OSCP1: variants seen among roughly 807,000 people sequenced by gnomAD.
OSCP1 encodes organic solute carrier partner 1.
In OSCP1, 35 loss-of-function variants were observed where a neutral mutation model predicts 45.1. The observed-to-expected ratio is 0.78, with a 90% CI of 0.59 to 1.03. The LOEUF is 1.03. Among genes scored for constraint, OSCP1 ranks in the 50% least tolerant of loss-of-function variants. OSCP1 has a pLI of 0.00. For synonymous variants in OSCP1, 179 were observed against 180.1 expected (o/e 0.99, Z 0.05); for missense variants, 400 against 470.7 (o/e 0.85, Z 1.39).
chr1:36,423,514 G>T, intron 4 of OSCP1, 48 bp from the exon 5 acceptor site: 1 of 1,437,144 alleles, frequency 7.0e-7, no homozygotes, highest in Non-Finnish European at 9.7e-7. Context: ...TATTTTCATA[G>T]ACATCAATAT....
chr1:36,446,083 C>T (rs1418175577), intron 1 of OSCP1, among the ~76,000 whole-genome samples: 3 of 150,026 alleles, frequency 2.0e-5, no homozygotes, highest in African/African-American at 7.4e-5. Context: ...AGTGCAGTGG[C>T]GTGATCTCAG....
intron 1 of OSCP1, among the ~76,000 whole-genome samples, chr1:36,445,677 A>G (rs541317599): frequency 1.3e-5 from 2 of 152,326 alleles, no homozygotes; most frequent in South Asian, 4.1e-4. Flanking sequence ...TCTTTGGCAC[A>G]ATGTCCACAT....
chr1:36,442,793 T>C (rs965778783), intron 1 of OSCP1, among the ~76,000 whole-genome samples: 1 of 152,138 alleles, frequency 6.6e-6, no homozygotes, highest in African/African-American at 2.4e-5. Flanking sequence ...TCTGAATTAT[T>C]ATCCTCATTT....
At position 36,445,817 on chromosome 1, in the gene OSCP1, C is replaced by T. The variant is rs188150413; in HGVS notation, c.112+4441G>A. ...GCAACCTCCACTTCCCAGGTTCAAG[C>T]GATTCTCCCGCCTCAGCCTCCCGAG... On this transcript the variant is annotated intron_variant, in intron 1 of 9. Transcript: ENST00000235532. 5.9e-5 allele frequency among the ~76,000 whole-genome samples: 9 copies of T among 152,132 alleles called. No individual in the cohort carries two copies. The East Asian group carries it at 1.4e-3, about 23-fold the overall frequency.
intron 8 of OSCP1, 62 bp downstream of exon 8, chr1:36,420,414 T>G: frequency 2.6e-6 from 4 of 1,557,328 alleles, no homozygotes; most frequent in Non-Finnish European, 3.5e-6. Flanking sequence ...TAATAGTCAT[T>G]TTGTGTTCTT....
chr1:36,428,207 A>AAG (rs1553146134), intron 4 of OSCP1: 26 of 1,355,318 alleles, frequency 1.9e-5, no homozygotes, highest in Non-Finnish European at 2.1e-5. Flanking sequence ...AAAAAAAAAA[A>AAG]AAAGAAAGAA....
At chr1:36,418,652 C>T in intron 9 of OSCP1, 1 of 337,166 alleles carries the variant, frequency 3.0e-6, no homozygotes, top group Non-Finnish European at 5.4e-6. Context: ...TACGGTGGCT[C>T]ACCTTTGTAA....
intron 7 of OSCP1, among the ~76,000 whole-genome samples, chr1:36,421,430 T>A (rs1054044541): frequency 6.6e-6 from 1 of 151,764 alleles, no homozygotes; most frequent in Non-Finnish European, 1.5e-5. Context: ...CACTTCAATA[T>A]CCCCGCCTCT....
At chr1:36,443,759 C>G (rs1026509382) in intron 1 of OSCP1, among the ~76,000 whole-genome samples, 2 of 152,196 alleles carry the variant, frequency 1.3e-5, no homozygotes, top group African/African-American at 2.4e-5. Context: ...GGAGACATAT[C>G]CCTCAAGTAC....
At chr1:36,446,954 C>T (rs1381316454) in intron 1 of OSCP1, among the ~76,000 whole-genome samples, 2 of 152,222 alleles carry the variant, frequency 1.3e-5, no homozygotes, top group African/African-American at 4.8e-5. Flanking sequence ...AGAGAGAGCA[C>T]TTCCTTTCTG....
intron 6 of OSCP1, 47 bp from the exon 7 acceptor site, chr1:36,422,266 G>A (rs1413808098): frequency 5.2e-6 from 8 of 1,532,568 alleles, no homozygotes; most frequent in African/African-American, 2.7e-5. Context: ...CCCTTTCCAC[G>A]GACTTCTCTC....
At chr1:36,422,486 G>T (rs1439992548) in intron 6 of OSCP1, among the ~76,000 whole-genome samples, 2 of 152,134 alleles carry the variant, frequency 1.3e-5, no homozygotes, top group African/African-American at 4.8e-5. Flanking sequence ...TTACAGAACG[G>T]ATAAGTCTTT....
Position 36,417,983 on chromosome 1 carries a change from G to A in OSCP1, c.*156C>T, listed in dbSNP as rs1570492507. The A allele has an allele frequency of 1.7e-6, 1 of 586,224 alleles. No individual in the cohort carries two copies. The highest frequency in any genetic ancestry group is 1.9e-5 in the African/African-American group (1 of 53,484). The allele number at this position is 586,224 out of a possible 1,614,324, so 36.3% of individuals were successfully genotyped here. ...CTTCAAGAGTGAGTGCTCCTCAAGG[G>A]AGACTCACACAGTTCCTTACAACAT... On this transcript the variant is annotated 3_prime_UTR_variant, in exon 10 of 10. Transcript: ENST00000235532.
In OSCP1 at chr1:36,447,679, G is replaced by A. The variant is rs553316039; in HGVS notation, c.112+2579C>T. ...ATGGGGATAGTAATATTACCTATGT[G>A]TTACAATAGTTGGGAGGATTAAGGT... On this transcript the variant is annotated intron_variant, in intron 1 of 9. Coordinates refer to ENST00000235532, the MANE Select transcript of OSCP1 (RefSeq NM_145047.5). The surrounding 1 kb of genome is among the most constrained non-coding windows in gnomAD (Gnocchi z 4.1). 5 of 195,310 alleles carry A rather than the reference G, an allele frequency of 2.6e-5. No homozygotes were observed. The highest frequency in any genetic ancestry group is 5.5e-5 in the Admixed American group (1 of 18,280). The allele number at this position is 195,310 out of a possible 1,614,324, so 12.1% of individuals were successfully genotyped here.
At chr1:36,436,104 ATTT>A (rs780346891) in intron 2 of OSCP1, among the ~76,000 whole-genome samples, 2 of 113,878 alleles carry the variant, frequency 1.8e-5, no homozygotes, top group Non-Finnish European at 1.9e-5. Context: ...CTCTCTCTCT[ATTT>A]TTTTTTTTTT....
chr1:36,438,973 CTT>C, intron 1 of OSCP1, 63 bp from the exon 2 acceptor site: 2 of 1,556,170 alleles, frequency 1.3e-6, no homozygotes, highest in Non-Finnish European at 1.8e-6. Context: ...CCGAAATGCT[CTT>C]TGTGTGCAGG....
At chr1:36,420,967 T>G (rs1647584949) in intron 7 of OSCP1, among the ~76,000 whole-genome samples, 1 of 151,982 alleles carries the variant, frequency 6.6e-6, no homozygotes, top group Non-Finnish European at 1.5e-5. Flanking sequence ...CAGTCCAGTC[T>G]CCTTCCAGAG....
intron 1 of OSCP1, among the ~76,000 whole-genome samples, chr1:36,446,828 GATA>G (rs1246148646): frequency 6.6e-6 from 1 of 152,214 alleles, no homozygotes. Context: ...GTAAGCAAAA[GATA>G]ATAAGGTCTT....
chr1:36,438,001 C>T (rs534328313), intron 2 of OSCP1, among the ~76,000 whole-genome samples: 6 of 152,122 alleles, frequency 3.9e-5, no homozygotes, highest in Admixed American at 1.3e-4. Flanking sequence ...AAAGTGAGAC[C>T]CCATTTCTAC....
Sources: allele counts gnomAD v4.1 joint callset (sites outside exome capture counted in the v4.1 genomes callset), GRCh38; gene constraint gnomAD v4.1.1; non-coding constraint Gnocchi (gnomAD v3.1); transcripts MANE v1.5; gene names NCBI Gene and HGNC (gene_info 2026-07-23, HGNC 2026-07-21).